The following PTPRK variants were observed in gnomAD, a reference collection of about 807,000 sequenced individuals.
PTPRK encodes receptor-type tyrosine-protein phosphatase kappa.
PTPRK carries 75 observed loss-of-function variants against 178.0 expected under a neutral mutation model. The ratio of observed to expected loss-of-function variants is 0.42; its 90% confidence interval spans 0.35 to 0.51. PTPRK has a LOEUF of 0.51. Ranked by LOEUF, PTPRK falls within the 20% of genes least tolerant of loss-of-function variation. The pLI is 0.02. For synonymous variants in PTPRK, 637 were observed against 620.6 expected, an observed-to-expected ratio of 1.03 and a Z score of -0.39; for missense variants, 1,441 against 1,797.8, an observed-to-expected ratio of 0.80 and a Z score of 3.59.
At chr6:128,384,513 T>C (rs1365013395) in intron 2 of PTPRK, among the ~76,000 whole-genome samples, 1 of 152,190 alleles carries the variant, frequency 6.6e-6, no homozygotes, top group Non-Finnish European at 1.5e-5. Context: ...AAAGCTATCC[T>C]AGGCCACATG....
intron 15 of PTPRK, chr6:128,000,152 G>T (rs768151945): frequency 5.4e-5 from 53 of 986,204 alleles, no homozygotes; most frequent in Non-Finnish European, 6.3e-5. Context: ...TAACAGAAGA[G>T]AAAATACACT....
chr6:128,139,484 C>G (rs192500566), intron 7 of PTPRK, among the ~76,000 whole-genome samples: 1 of 151,958 alleles, frequency 6.6e-6, no homozygotes, highest in Non-Finnish European at 1.5e-5. Context: ...TACTGAGAAC[C>G]TAGATACAAA....
intron 1 of PTPRK, chr6:128,472,777 A>G: frequency 4.1e-6 from 1 of 241,104 alleles, no homozygotes; most frequent in Non-Finnish European, 8.2e-6. Flanking sequence ...TTGATACACC[A>G]CAGTTATATA....
intron 2 of PTPRK, among the ~76,000 whole-genome samples, chr6:128,348,739 A>C (rs2128335914): frequency 6.6e-6 from 1 of 152,148 alleles, no homozygotes; most frequent in East Asian, 1.9e-4. Flanking sequence ...ATTTTTAGCT[A>C]TTTCTTTAAT....
intron 1 of PTPRK, among the ~76,000 whole-genome samples, chr6:128,430,325 A>T (rs1844671415): frequency 2.6e-5 from 4 of 152,218 alleles, no homozygotes; most frequent in African/African-American, 9.6e-5. Flanking sequence ...TCCCAAGATT[A>T]TTTAAAAGAT....
rs190703458 is a variant in PTPRK, at chr6:128,057,172, A to G, written c.2194+7586T>C. Among the ~76,000 whole-genome samples, 124 of 152,266 alleles carry G rather than the reference A, an allele frequency of 8.1e-4. 1 individual carries two copies. Among genetic ancestry groups the G allele is most frequent in the African/African-American group, 2.9e-3 (122 of 41,558 alleles). On this transcript the variant is annotated intron_variant, in intron 13 of 29. Transcript: ENST00000368226. The stretch of plus-strand genomic sequence containing the variant: ...ATTATTTTTCTACATCCAATTTTCT[A>G]CTTCCTTAATTGTATGTATAATTTT...
intron 2 of PTPRK, among the ~76,000 whole-genome samples, chr6:128,338,268 A>G (rs2128329416): frequency 6.6e-6 from 1 of 152,282 alleles, no homozygotes; most frequent in Admixed American, 6.5e-5. Context: ...ATAGTAATAG[A>G]TGATGGAGGT....
rs528419212 is a variant in PTPRK at position 128,067,745 on chromosome 6, C to T, written c.1931G>A (p.Arg644Lys). 6.2e-7 allele frequency: 1 copy of T among 1,612,950 alleles called. No individual in the cohort carries two copies. Among genetic ancestry groups the T allele is most frequent in the Non-Finnish European group, 8.5e-7 (1 of 1,179,324 alleles). ...GTAGCATTCCATGGCTCCGGCTTCT[C>T]TCTTGGTTCGGTGTGGGTGCAGTTC... is the stretch of plus-strand genomic sequence containing the variant. Reference protein sequence around the residue: ...VEELHPHRTKREAGAMECYQV... With the variant: ...VEELHPHRTKKEAGAMECYQV... Residue 644 changes from arginine to lysine, a missense_variant, in exon 12 of 30, where the codon AGA becomes AAA. By Grantham distance (26) the Arg-to-Lys change is conservative. This residue lies in a region of PTPRK where 945 missense variants were observed against 1,080.6 expected (regional missense o/e 0.87). Transcript: ENST00000368226.
chr6:128,112,503 C>T (rs921280315), intron 7 of PTPRK, among the ~76,000 whole-genome samples: 2 of 151,978 alleles, frequency 1.3e-5, no homozygotes, highest in Admixed American at 1.3e-4. Context: ...TTCTTATTTG[C>T]TCAGCAAAGG....
chr6:128,458,602 C>T (rs1320657374), intron 1 of PTPRK, among the ~76,000 whole-genome samples: 1 of 152,146 alleles, frequency 6.6e-6, no homozygotes, highest in Non-Finnish European at 1.5e-5. Context: ...CACACACTTG[C>T]ACACACACAC....
At chr6:128,368,494 T>C (rs1835832119) in intron 2 of PTPRK, among the ~76,000 whole-genome samples, 1 of 152,128 alleles carries the variant, frequency 6.6e-6, no homozygotes, top group African/African-American at 2.4e-5. Flanking sequence ...TTCCTTTGAA[T>C]AATCCTAATT....
At chr6:128,274,734 T>C (rs972290115) in intron 3 of PTPRK, among the ~76,000 whole-genome samples, 6 of 152,062 alleles carry the variant, frequency 3.9e-5, no homozygotes, top group African/African-American at 1.4e-4. Flanking sequence ...AATATTTAAT[T>C]TGTAGACCAG....
chr6:128,015,140 TA>T (rs1350875763), intron 13 of PTPRK, among the ~76,000 whole-genome samples: 1 of 151,760 alleles, frequency 6.6e-6, no homozygotes, highest in Admixed American at 6.6e-5. Flanking sequence ...TTAGAGTCTC[TA>T]AATTTGTTTT....
chr6:128,266,346 C>A (rs966354927), intron 3 of PTPRK, among the ~76,000 whole-genome samples: 2 of 152,120 alleles, frequency 1.3e-5, no homozygotes, highest in African/African-American at 4.8e-5. Flanking sequence ...ATACCTGTTT[C>A]CCTTCACTTT....
chr6:128,020,556 G>A (rs1465655605), intron 13 of PTPRK, among the ~76,000 whole-genome samples: 3 of 152,098 alleles, frequency 2.0e-5, no homozygotes, highest in African/African-American at 7.2e-5. Context: ...AAATGCACTT[G>A]ACATTTTTAG....
intron 3 of PTPRK, among the ~76,000 whole-genome samples, chr6:128,289,540 C>T (rs1020442111): frequency 3.3e-5 from 5 of 152,036 alleles, no homozygotes; most frequent in African/African-American, 9.7e-5. Context: ...TGACATTAAA[C>T]CTCTTTAAAA....
At chr6:128,380,324 A>G (rs1837695354) in intron 2 of PTPRK, among the ~76,000 whole-genome samples, 1 of 152,076 alleles carries the variant, frequency 6.6e-6, no homozygotes, top group African/African-American at 2.4e-5. Context: ...AAAAAGTATC[A>G]ACTTTGATTG....
rs1484508621 is a variant in PTPRK at position 128,067,663 on chromosome 6, A to G, written c.2013T>C (p.Ala671=). 6.2e-7 allele frequency: 1 copy of G among 1,613,708 alleles called. No individual in the cohort carries two copies. The change falls in exon 12 of 30, where the codon GCT becomes GCC. Residue 671 remains alanine (A), a synonymous_variant. Coordinates refer to ENST00000368226, the MANE Select transcript of PTPRK (RefSeq NM_002844.4). The stretch of plus-strand genomic sequence containing the variant: ...GTAGGTTTCCCGGGGGGAGTTCTGC[A>G]GCAAAGTAATACGGTGCACCCCCAC... The part of the protein sequence containing the change: ...AMSGGAPYYF[A]AELPPGNLPE...
rs72967058 is a variant in PTPRK at position 128,308,503 on chromosome 6, C to A, written c.495+13536G>T. Among the ~76,000 whole-genome samples the A allele has an allele frequency of 2.6e-5, 4 of 151,354 alleles. No homozygotes were observed. In the South Asian group the frequency reaches 6.2e-4, roughly 24 times the overall value. Reference sequence around the variant, plus strand: ...TTTAAAAAGGTGAAAAAAGAAAAAACGATCAAAAAAGTTTACCAAAAAATA... The same window carrying A: ...TTTAAAAAGGTGAAAAAAGAAAAAAAGATCAAAAAAGTTTACCAAAAAATA... On this transcript the variant is annotated intron_variant, in intron 3 of 29. Transcript: ENST00000368226.
Sources: gnomAD v4.1 joint callset for allele counts (sites outside exome capture counted in the v4.1 genomes callset) on GRCh38, gnomAD v4.1.1 for gene constraint, gnomAD v4.1.1 regional missense constraint, MANE v1.5 for transcripts, NCBI Gene and HGNC (gene_info 2026-07-23, HGNC 2026-07-21) for gene names.